Variants in PDE10A observed in about 807,000 individuals in gnomAD.
The protein encoded by PDE10A is cAMP and cAMP-inhibited cGMP 3',5'-cyclic phosphodiesterase 10A.
PDE10A carries 39 observed loss-of-function variants against 97.7 expected under a neutral mutation model. That is an observed-to-expected ratio of 0.40 (90% confidence interval 0.31 to 0.52). PDE10A has a LOEUF of 0.52. PDE10A is among the 20% of genes least tolerant of loss of function. PDE10A has a pLI of 0.56. For missense variants in PDE10A, 731 were observed against 1,047.8 expected (o/e 0.70, Z 4.17); for synonymous variants, 371 against 376.8 (o/e 0.98, Z 0.18).
chr6:165,494,164 A>C (rs1780387211), intron 2 of PDE10A, among the ~76,000 whole-genome samples: 1 of 152,098 alleles, frequency 6.6e-6, no homozygotes, highest in South Asian at 2.1e-4. Flanking sequence ...AAAATTAAAA[A>C]ATCACTGATG....
At chr6:165,758,414 T>C (rs1793167444) in intron 1 of PDE10A, among the ~76,000 whole-genome samples, 1 of 151,882 alleles carries the variant, frequency 6.6e-6, no homozygotes, top group African/African-American at 2.4e-5. Context: ...TGAGCCGAGA[T>C]TGTGTCACTG....
chr6:165,616,747 TAC>T (rs1787743667), intron 1 of PDE10A, among the ~76,000 whole-genome samples: 1 of 152,212 alleles, frequency 6.6e-6, no homozygotes, highest in African/African-American at 2.4e-5. Context: ...CAAAATGCAC[TAC>T]AGTTTCGTAC....
At chr6:165,543,825 T>C (rs1783594041) in intron 1 of PDE10A, among the ~76,000 whole-genome samples, 1 of 146,074 alleles carries the variant, frequency 6.8e-6, no homozygotes, top group African/African-American at 2.7e-5. Flanking sequence ...ATTGTACGCT[T>C]AAAACAGCAT....
At chr6:165,657,660 G>C (rs919760599) in intron 1 of PDE10A, among the ~76,000 whole-genome samples, 5 of 152,202 alleles carry the variant, frequency 3.3e-5, no homozygotes, top group African/African-American at 9.6e-5. Flanking sequence ...GATTGGGATA[G>C]CAGATGACAC....
chr6:165,477,981 T>C (rs1779387650), intron 3 of PDE10A, among the ~76,000 whole-genome samples: 1 of 152,184 alleles, frequency 6.6e-6, no homozygotes, highest in African/African-American at 2.4e-5. Context: ...TCTTGACTCT[T>C]TTCTCCACAG....
chr6:165,741,416 A>G (rs979335938), intron 1 of PDE10A, among the ~76,000 whole-genome samples: 1 of 152,164 alleles, frequency 6.6e-6, no homozygotes, highest in Admixed American at 6.5e-5. Context: ...GTAGCATTCC[A>G]TATTTATTAG....
At chr6:165,984,748 A>G (rs1252036169) in intron 1 of PDE10A, among the ~76,000 whole-genome samples, 1 of 152,108 alleles carries the variant, frequency 6.6e-6, no homozygotes, top group Non-Finnish European at 1.5e-5. Context: ...CCTAGCTCTG[A>G]TCTAAAATCA....
At chr6:165,634,119 G>C (rs767309319) in intron 1 of PDE10A, among the ~76,000 whole-genome samples, 1 of 152,126 alleles carries the variant, frequency 6.6e-6, no homozygotes, top group Non-Finnish European at 1.5e-5. Context: ...GTTTCAGTGC[G>C]TCTGGGGTAG....
rs1789909508 is a variant in PDE10A at position 165,655,641 on chromosome 6, C to T, written c.865+6306G>A. Among the ~76,000 whole-genome samples the T allele has an allele frequency of 6.6e-6, 1 of 152,148 alleles. No individual in the cohort carries two copies. The highest frequency in any genetic ancestry group is 6.5e-5 in the Admixed American group (1 of 15,280). ...CTATGACAGTAGCATCCATGGACTC[C>T]CTGTATCCACGACATCTCCCTTCAT... On this transcript the variant is annotated intron_variant, in intron 1 of 21. Coordinates refer to ENST00000539869, the MANE Select transcript of PDE10A (RefSeq NM_001385079.1). This position sits in a 1 kb window ranked among gnomAD's most constrained non-coding sequence, Gnocchi z 4.5.
intron 20 of PDE10A, among the ~76,000 whole-genome samples, chr6:165,336,867 CCA>C (rs1413165671): frequency 6.6e-6 from 1 of 152,034 alleles, no homozygotes; most frequent in Non-Finnish European, 1.5e-5. Flanking sequence ...TGTGTTATCT[CCA>C]GTCACCTTTA....
intron 1 of PDE10A, among the ~76,000 whole-genome samples, chr6:165,934,532 A>C (rs558885369): frequency 6.6e-6 from 1 of 152,074 alleles, no homozygotes; most frequent in South Asian, 2.1e-4. Context: ...CCTCAGCCCC[A>C]TTAAAAAAAT....
At chr6:165,444,878 A>C (rs2099447949) in intron 5 of PDE10A, among the ~76,000 whole-genome samples, 1 of 152,218 alleles carries the variant, frequency 6.6e-6, no homozygotes, top group Non-Finnish European at 1.5e-5. Context: ...TTTAATAAGT[A>C]TAAAAACTGT....
rs11961176 is a variant in PDE10A, at chr6:165,364,130, T to C, written c.2783+15064A>G. On this transcript the variant is annotated intron_variant, in intron 18 of 21. Transcript: ENST00000539869. Reference sequence around the variant, plus strand: ...CTGTTATTCTACATATTTGTAACTCTAGATAATACAAGTTTCTATAGACTG... The same window carrying C: ...CTGTTATTCTACATATTTGTAACTCCAGATAATACAAGTTTCTATAGACTG... 7.5e-3 allele frequency among the ~76,000 whole-genome samples: 1,139 copies of C among 152,324 alleles called. 60 individuals are homozygous for C. The highest frequency in any genetic ancestry group is 0.069 in the Admixed American group (1,049 of 15,300).
In PDE10A at chr6:165,577,417, T is replaced by C. The variant is rs533642553; in HGVS notation, c.866-33849A>G. On this transcript the variant is annotated intron_variant, in intron 1 of 21. Coordinates refer to ENST00000539869, the MANE Select transcript of PDE10A (RefSeq NM_001385079.1). The stretch of plus-strand genomic sequence containing the variant: ...GACCTTCCAGGGCAGCACGCAACAC[T>C]CCATGCTCAAGAAACTCTGGGAAGT... Among the ~76,000 whole-genome samples the C allele has an allele frequency of 3.3e-4, 50 of 152,132 alleles. 1 individual carries two copies. In the South Asian group the frequency reaches 9.6e-3, roughly 29 times the overall value.
chr6:165,547,582 G>A lies in PDE10A; in HGVS notation c.866-4014C>T, dbSNP rs375290270. On this transcript the variant is annotated intron_variant, in intron 1 of 21. Coordinates refer to ENST00000539869, the MANE Select transcript of PDE10A (RefSeq NM_001385079.1). ...TTTTAGTAAAGATAATTGCTTCTAT[G>A]GTTAATGATTCAGCCAGCAATCTGA... Among the ~76,000 whole-genome samples the A allele has an allele frequency of 2.2e-4, 34 of 152,210 alleles. No individual in the cohort carries two copies. The East Asian group carries it at 5.0e-3, about 22-fold the overall frequency.
intron 1 of PDE10A, among the ~76,000 whole-genome samples, chr6:165,704,574 C>A (rs1015042090): frequency 2.0e-5 from 3 of 152,152 alleles, no homozygotes; most frequent in Non-Finnish European, 2.9e-5. Flanking sequence ...TTCTTCTCAT[C>A]ACACTTGCAA....
At chr6:165,847,469 T>C (rs918113962) in intron 1 of PDE10A, among the ~76,000 whole-genome samples, 5 of 152,242 alleles carry the variant, frequency 3.3e-5, no homozygotes, top group African/African-American at 9.6e-5. Flanking sequence ...CAAAACTCAC[T>C]GCCTCGCGTG....
At chr6:165,829,904 G>C (rs1393394442) in intron 1 of PDE10A, among the ~76,000 whole-genome samples, 1 of 152,146 alleles carries the variant, frequency 6.6e-6, no homozygotes, top group Non-Finnish European at 1.5e-5. Flanking sequence ...CCAGAAGAAA[G>C]GTGAGCTGTA....
chr6:165,743,833 T>C (rs1792784339), intron 1 of PDE10A, among the ~76,000 whole-genome samples: 1 of 152,242 alleles, frequency 6.6e-6, no homozygotes, highest in African/African-American at 2.4e-5. Flanking sequence ...ATCTTCGTTT[T>C]GTAGATTAAA....
Sources: gnomAD v4.1 joint callset for allele counts (sites outside exome capture counted in the v4.1 genomes callset) on GRCh38, gnomAD v4.1.1 for gene constraint, Gnocchi (gnomAD v3.1) non-coding constraint, MANE v1.5 for transcripts, NCBI Gene and HGNC (gene_info 2026-07-23, HGNC 2026-07-21) for gene names.